ZSCAN4: variants seen among roughly 807,000 people sequenced by gnomAD.
The protein encoded by ZSCAN4 is zinc finger and SCAN domain-containing protein 4.
Under a neutral mutation model 18.3 loss-of-function variants are expected in ZSCAN4, and 18 were observed. The ratio of observed to expected loss-of-function variants is 0.98; its 90% confidence interval spans 0.68 to 1.46. The LOEUF (loss-of-function observed/expected upper bound fraction) is 1.46. Among genes scored for constraint, ZSCAN4 ranks in the 40% most tolerant of loss-of-function variants. The pLI is 0.00. For synonymous variants in ZSCAN4, 193 were observed against 180.3 expected (o/e 1.07, Z -0.57); for missense variants, 498 against 511.4 (o/e 0.97, Z 0.25).
intron 2 of ZSCAN4, among the ~76,000 whole-genome samples, chr19:57,674,664 TCTTTC>T (rs1165846775): frequency 1.3e-5 from 2 of 152,156 alleles, no homozygotes; most frequent in Non-Finnish European, 2.9e-5. Flanking sequence ...TATAATGATT[TCTTTC>T]CTTTTGAGTA....
In ZSCAN4 at chr19:57,678,769, TCC is replaced by T. The variant is rs953082525; in HGVS notation, c.1167_1168del (p.Thr391ArgfsTer11). 5.0e-6 allele frequency: 8 copies of T among 1,614,066 alleles called. No homozygotes were observed. Among genetic ancestry groups the T allele is most frequent in the Non-Finnish European group, 5.9e-6 (7 of 1,180,010 alleles). On this transcript the variant is annotated frameshift_variant, in exon 5 of 5. Transcript: ENST00000318203. LOFTEE classifies it low-confidence loss of function (END_TRUNC). ...ACCAACCTGCGGTCTCATGAGAGAA[TCC>T]ACACAGGAGAAAAGCCTTATACATG...
At chr19:57,657,553 C>T in the ZSCAN4 span, among the ~76,000 whole-genome samples, 3 of 152,102 alleles carry the variant, frequency 2.0e-5, no homozygotes, top group African/African-American at 7.2e-5. Context: ...ATTTGGAAAA[C>T]ACTGTAGCCG....
chr19:57,673,852 C>G (rs1326553412), intron 2 of ZSCAN4, among the ~76,000 whole-genome samples: 4 of 152,144 alleles, frequency 2.6e-5, no homozygotes, highest in African/African-American at 9.7e-5. Context: ...TTCCCAAGTT[C>G]AACCCATTCT....
chr19:57,651,665 C>T, the ZSCAN4 span, among the ~76,000 whole-genome samples: 4 of 152,316 alleles, frequency 2.6e-5, no homozygotes, highest in Admixed American at 6.5e-5. Flanking sequence ...CCCGGGACGA[C>T]GCTTGGGTTC....
At chr19:57,666,114 TA>T (rs1442611601), upstream of ZSCAN4, among the ~76,000 whole-genome samples, 5 of 152,150 alleles carry the variant, frequency 3.3e-5, no homozygotes, top group East Asian at 9.6e-4. Flanking sequence ...ATGCGCTTTT[TA>T]AAAAGGAACC....
the ZSCAN4 span, among the ~76,000 whole-genome samples, chr19:57,657,659 A>G: frequency 1.3e-5 from 2 of 152,202 alleles, no homozygotes; most frequent in Non-Finnish European, 2.9e-5. Context: ...AAATACTTGT[A>G]TAATCATTCC....
the ZSCAN4 span, among the ~76,000 whole-genome samples, chr19:57,661,774 T>A: frequency 1.3e-5 from 2 of 152,110 alleles, no homozygotes; most frequent in Non-Finnish European, 2.9e-5. Context: ...TCTTTAAGTG[T>A]TTTAGCTTAC....
chr19:57,656,941 C>G, the ZSCAN4 span, among the ~76,000 whole-genome samples: 6 of 151,998 alleles, frequency 3.9e-5, no homozygotes, highest in African/African-American at 1.2e-4. Context: ...GAGCTATGAT[C>G]AAATCACTGC....
chr19:57,656,459 C>G, the ZSCAN4 span, among the ~76,000 whole-genome samples: 7 of 152,210 alleles, frequency 4.6e-5, no homozygotes, highest in Non-Finnish European at 8.8e-5. Context: ...ACCACATACC[C>G]CAGTTTTTAA....
At chr19:57,657,263 G>A in the ZSCAN4 span, among the ~76,000 whole-genome samples, 2 of 149,934 alleles carry the variant, frequency 1.3e-5, no homozygotes, top group South Asian at 2.1e-4. Flanking sequence ...TCTGCCCTCC[G>A]TCTGTCTGCA....
chr19:57,676,617 C>T, intron 3 of ZSCAN4, 76 bp downstream of exon 3: 1 of 1,497,398 alleles, frequency 6.7e-7, no homozygotes. Flanking sequence ...TTAGAGTTGT[C>T]TGGAAGTTAG....
chr19:57,677,183 G>A (rs1378325535), intron 3 of ZSCAN4, among the ~76,000 whole-genome samples: 3 of 152,090 alleles, frequency 2.0e-5, no homozygotes, highest in Non-Finnish European at 2.9e-5. Flanking sequence ...AAGCAATTAC[G>A]GTAGATCCTT....
At position 57,675,937 on chromosome 19, in the gene ZSCAN4, T is replaced by G. The variant is rs149084928; in HGVS notation, c.-105-104T>G. ...GAGTTTATGTTAAGTTATAATTATT[T>G]CTTTGAATTCATCCATAGAGCCATG... is the stretch of plus-strand genomic sequence containing the variant. On this transcript the variant is annotated intron_variant, in intron 2 of 4. Coordinates refer to ENST00000318203, the Ensembl canonical transcript of ZSCAN4. 612 of 493,946 alleles carry G rather than the reference T, an allele frequency of 1.2e-3. 2 individuals carry two copies. The highest frequency in any genetic ancestry group is 0.011 in the African/African-American group (584 of 52,218). The allele number at this position is 493,946 out of a possible 1,614,324, so 30.6% of individuals were successfully genotyped here.
At chr19:57,653,160 A>T in the ZSCAN4 span, among the ~76,000 whole-genome samples, 1 of 152,292 alleles carries the variant, frequency 6.6e-6, no homozygotes, top group African/African-American at 2.4e-5. Context: ...AGATAAAGGA[A>T]ATTATTCAAG....
At chr19:57,667,491 T>C (rs1983887817), upstream of ZSCAN4, among the ~76,000 whole-genome samples, 1 of 152,232 alleles carries the variant, frequency 6.6e-6, no homozygotes, top group Non-Finnish European at 1.5e-5. Flanking sequence ...ATTTAGGATC[T>C]ACTTTACAGG....
exon 3 of ZSCAN4, chr19:57,676,429 G>A: frequency 6.2e-7 from 1 of 1,614,188 alleles, no homozygotes. Context: ...TTTATGATTG[G>A]TGGCCACTGC....
exon 5 of ZSCAN4, chr19:57,678,605 C>T: frequency 6.2e-7 from 1 of 1,614,050 alleles, no homozygotes; most frequent in Non-Finnish European, 8.5e-7. Flanking sequence ...AGAGAAGACA[C>T]AGGAATGAGA....
intron 2 of ZSCAN4, among the ~76,000 whole-genome samples, chr19:57,672,808 G>T: frequency 6.6e-6 from 1 of 151,956 alleles, no homozygotes; most frequent in East Asian, 1.9e-4. Flanking sequence ...TCACCATGTT[G>T]CCAGGCTGGT....
the ZSCAN4 span, among the ~76,000 whole-genome samples, chr19:57,656,002 GA>G: frequency 2.0e-5 from 3 of 151,822 alleles, no homozygotes; most frequent in African/African-American, 4.8e-5. Flanking sequence ...CTAGCAATAG[GA>G]AAAAGGGTCA....
Sources: gnomAD v4.1 joint callset for allele counts (sites outside exome capture counted in the v4.1 genomes callset) on GRCh38, gnomAD v4.1.1 for gene constraint, MANE v1.5 for transcripts, NCBI Gene and HGNC (gene_info 2026-07-23, HGNC 2026-07-21) for gene names.